NIM1K: variants seen among roughly 807,000 people sequenced by gnomAD.
The protein encoded by NIM1K is NIM1 serine/threonine protein kinase, also known as serine/threonine-protein kinase NIM1.
A neutral mutation model predicts 37.1 loss-of-function variants in NIM1K; 35 were observed. That is an observed-to-expected ratio of 0.94 (90% CI 0.72 to 1.25). The LOEUF is 1.25. NIM1K is among the 50% of genes most tolerant of loss of function. The pLI is 0.00. For synonymous variants in NIM1K, 234 were observed against 206.6 expected, an observed-to-expected ratio of 1.13 and a Z score of -1.14; for missense variants, 564 against 548.0, an observed-to-expected ratio of 1.03 and a Z score of -0.29.
chr5:43,256,803 T>G (rs1752953533), intron 2 of NIM1K, among the ~76,000 whole-genome samples: 2 of 152,184 alleles, frequency 1.3e-5, no homozygotes, highest in Non-Finnish European at 1.5e-5. Flanking sequence ...ATAATGAAAT[T>G]CAGGCATAAC....
chr5:43,204,123 G>T (rs1752075099), intron 1 of NIM1K, among the ~76,000 whole-genome samples: 1 of 108,790 alleles, frequency 9.2e-6, no homozygotes, highest in Admixed American at 1.4e-4. Flanking sequence ...CTCACTCTGT[G>T]GCCCAGGCTG....
intron 1 of NIM1K, among the ~76,000 whole-genome samples, chr5:43,219,827 A>G (rs1454251584): frequency 1.1e-5 from 1 of 94,292 alleles, no homozygotes; most frequent in African/African-American, 4.0e-5. Flanking sequence ...GGTTCAAGCG[A>G]TTCTCCTGCC....
chr5:43,272,557 TC>T (rs1753273110), intron 2 of NIM1K, among the ~76,000 whole-genome samples: 1 of 152,142 alleles, frequency 6.6e-6, no homozygotes, highest in Non-Finnish European at 1.5e-5. Context: ...CTGATTTTAT[TC>T]CCCCAGCCCC....
intron 2 of NIM1K, among the ~76,000 whole-genome samples, chr5:43,249,850 G>T (rs1412834695): frequency 3.4e-5 from 4 of 116,186 alleles, no homozygotes; most frequent in Admixed American, 9.8e-5. Context: ...GTATGGATTA[G>T]TTTTTTTTTT....
intron 1 of NIM1K, chr5:43,207,149 C>A: frequency 1.4e-6 from 1 of 725,692 alleles, no homozygotes; most frequent in Non-Finnish European, 2.6e-6. Flanking sequence ...AAAAATTCTA[C>A]ACTCGAAGCA....
intron 2 of NIM1K, among the ~76,000 whole-genome samples, chr5:43,246,861 T>G (rs1445502197): frequency 6.6e-6 from 1 of 152,130 alleles, no homozygotes; most frequent in African/African-American, 2.4e-5. Flanking sequence ...AGCAGAAGTC[T>G]GGGGATTATC....
At chr5:43,259,172 G>A (rs959157496) in intron 2 of NIM1K, among the ~76,000 whole-genome samples, 1 of 152,156 alleles carries the variant, frequency 6.6e-6, no homozygotes, top group Non-Finnish European at 1.5e-5. Flanking sequence ...TGACACTTAG[G>A]TTGGTTCCAG....
chr5:43,279,846 T>C, intron 3 of NIM1K, 134 bp from the exon 4 acceptor site: 1 of 728,614 alleles, frequency 1.4e-6, no homozygotes, highest in Non-Finnish European at 2.3e-6. Flanking sequence ...CAGGGTTTGC[T>C]ATCATGACTT....
At chr5:43,205,965 A>G (rs1158889875) in intron 1 of NIM1K, among the ~76,000 whole-genome samples, 3 of 150,456 alleles carry the variant, frequency 2.0e-5, no homozygotes, top group Non-Finnish European at 4.4e-5. Context: ...GCCCGCCTCG[A>G]CCTCCCAAAG....
At chr5:43,208,538 G>A (rs762344611) in intron 1 of NIM1K, among the ~76,000 whole-genome samples, 4 of 151,982 alleles carry the variant, frequency 2.6e-5, no homozygotes, top group African/African-American at 4.8e-5. Flanking sequence ...GGAAGTGGAG[G>A]TTGCAGTGAG....
At chr5:43,226,609 G>C (rs1752460664) in intron 1 of NIM1K, among the ~76,000 whole-genome samples, 1 of 152,178 alleles carries the variant, frequency 6.6e-6, no homozygotes, top group South Asian at 2.1e-4. Context: ...CTCCCCAAAG[G>C]ACAGTAGTTT....
intron 1 of NIM1K, among the ~76,000 whole-genome samples, chr5:43,238,028 T>C (rs1752645037): frequency 6.6e-6 from 1 of 151,500 alleles, no homozygotes; most frequent in Non-Finnish European, 1.5e-5. Flanking sequence ...CTTTCACAAT[T>C]CTTCAATTTA....
At position 43,232,691 on chromosome 5, in the gene NIM1K, A is replaced by C. The variant is rs199673807; in HGVS notation, c.-694-12391A>C. 6.9e-4 allele frequency: 1,021 copies of C among 1,481,098 alleles called. 2 individuals carry two copies. The highest frequency in any genetic ancestry group is 6.8e-4 in the East Asian group (30 of 44,170). 91.7% of individuals were successfully genotyped at this position (1,481,098 alleles called of 1,614,324 possible). On this transcript the variant is annotated intron_variant, in intron 1 of 3. Coordinates refer to ENST00000326035, the MANE Select transcript of NIM1K (RefSeq NM_153361.4). ...AACTGCAGCTTGGACTTCTTGCCGT[A>C]ATCAACCGGGAGTTGTTCCATGAGC...
At chr5:43,268,620 A>G (rs1753206121) in intron 2 of NIM1K, among the ~76,000 whole-genome samples, 1 of 152,210 alleles carries the variant, frequency 6.6e-6, no homozygotes, top group Admixed American at 6.5e-5. Flanking sequence ...TGTTATCTGC[A>G]TGAGTAATTG....
At chr5:43,206,122 G>C (rs1752106634) in intron 1 of NIM1K, among the ~76,000 whole-genome samples, 1 of 152,118 alleles carries the variant, frequency 6.6e-6, no homozygotes. Context: ...GTCTCAGAGA[G>C]GCTAAACATA....
intron 1 of NIM1K, chr5:43,207,462 T>A: frequency 1.3e-6 from 1 of 763,476 alleles, no homozygotes. Flanking sequence ...TGTATTCCGG[T>A]ACTGAAGAGG....
At chr5:43,240,012 G>A (rs990302358) in intron 1 of NIM1K, among the ~76,000 whole-genome samples, 3 of 151,908 alleles carry the variant, frequency 2.0e-5, no homozygotes, top group East Asian at 3.8e-4. Context: ...CAAACTTATC[G>A]TACACCAACT....
At chr5:43,243,117 T>A (rs1459023522) in intron 1 of NIM1K, among the ~76,000 whole-genome samples, 1 of 152,172 alleles carries the variant, frequency 6.6e-6, no homozygotes, top group East Asian at 1.9e-4. Context: ...CTAGTGCTGA[T>A]GTAGTTGTGG....
intron 2 of NIM1K, 69 bp from the exon 3 acceptor site, chr5:43,276,988 C>T (rs1048065257): frequency 1.9e-5 from 28 of 1,479,614 alleles, no homozygotes; most frequent in Non-Finnish European, 2.3e-5. Flanking sequence ...AGGAGCTGAT[C>T]CAGGTCCTCT....
Sources: allele counts gnomAD v4.1 joint callset (sites outside exome capture counted in the v4.1 genomes callset), GRCh38; gene constraint gnomAD v4.1.1; transcripts MANE v1.5; gene names NCBI Gene and HGNC (gene_info 2026-07-23, HGNC 2026-07-21).